The following POC1A variants were observed in gnomAD, a reference collection of about 807,000 sequenced individuals.
POC1A encodes POC1 centriolar protein A, also known as POC1 centriolar protein homolog A.
POC1A carries 34 observed loss-of-function variants against 47.8 expected under a neutral mutation model. The ratio of observed to expected loss-of-function variants is 0.71; its 90% CI spans 0.54 to 0.95. The LOEUF is 0.95. Ranked by LOEUF, POC1A falls within the 40% of genes least tolerant of loss-of-function variation. The pLI, the probability that POC1A is intolerant of heterozygous loss-of-function variation, is 0.00. For synonymous variants in POC1A, 177 were observed against 207.6 expected (o/e 0.85, Z 1.27); for missense variants, 466 against 528.3 (o/e 0.88, Z 1.16).
chr3:52,133,358 T>C (rs1704308543), intron 7 of POC1A, among the ~76,000 whole-genome samples: 1 of 152,190 alleles, frequency 6.6e-6, no homozygotes, highest in African/African-American at 2.4e-5. Flanking sequence ...CTGTTCTTGA[T>C]AAGTTACCCA....
intron 1 of POC1A, among the ~76,000 whole-genome samples, chr3:52,152,616 A>G (rs1698594763): frequency 6.6e-6 from 1 of 152,002 alleles, no homozygotes; most frequent in Non-Finnish European, 1.5e-5. Context: ...AATAAAAAAT[A>G]AAGTAGTTAA....
intron 10 of POC1A, among the ~76,000 whole-genome samples, chr3:52,076,405 T>A (rs2106912317): frequency 6.6e-6 from 1 of 152,282 alleles, no homozygotes; most frequent in Middle Eastern, 3.4e-3. Context: ...ATCAACCACC[T>A]CCACTCCAGA....
intron 3 of POC1A, 112 bp downstream of exon 3, chr3:52,149,704 A>G: frequency 9.8e-7 from 1 of 1,019,790 alleles, no homozygotes; most frequent in Non-Finnish European, 1.5e-6. Flanking sequence ...TCCAAAGCAG[A>G]GTAGAAGTCC....
At chr3:52,139,508 T>C (rs974808080) in intron 6 of POC1A, among the ~76,000 whole-genome samples, 1 of 152,204 alleles carries the variant, frequency 6.6e-6, no homozygotes, top group African/African-American at 2.4e-5. Context: ...TGCCCTTCCC[T>C]TTCCCTGACC....
At chr3:52,123,564 C>T (rs1035427595) in intron 8 of POC1A, among the ~76,000 whole-genome samples, 1 of 152,222 alleles carries the variant, frequency 6.6e-6, no homozygotes, top group Non-Finnish European at 1.5e-5. Flanking sequence ...GTTTCCTCTC[C>T]CAGATGGATG....
intron 10 of POC1A, among the ~76,000 whole-genome samples, chr3:52,096,242 T>C (rs1305626372): frequency 1.3e-5 from 2 of 152,254 alleles, no homozygotes; most frequent in African/African-American, 4.8e-5. Context: ...GCCCCTGCAG[T>C]GCCCATCCAG....
intron 1 of POC1A, among the ~76,000 whole-genome samples, chr3:52,153,559 AAG>A (rs1247858480): frequency 3.3e-5 from 5 of 152,346 alleles, no homozygotes; most frequent in African/African-American, 7.2e-5. Context: ...GAACATGCGT[AAG>A]AGAGTGTCCG....
intron 7 of POC1A, among the ~76,000 whole-genome samples, chr3:52,130,677 C>A (rs551172300): frequency 2.0e-5 from 3 of 152,210 alleles, no homozygotes; most frequent in African/African-American, 7.2e-5. Context: ...AAACAGTCCT[C>A]CAAAATGCCT....
intron 9 of POC1A, among the ~76,000 whole-genome samples, chr3:52,112,982 A>G (rs1703435496): frequency 6.6e-6 from 1 of 152,200 alleles, no homozygotes; most frequent in Non-Finnish European, 1.5e-5. Flanking sequence ...GATACTCTGG[A>G]TATGAGGCCC....
chr3:52,108,485 C>T (rs1316857940), intron 9 of POC1A, among the ~76,000 whole-genome samples: 4 of 152,324 alleles, frequency 2.6e-5, no homozygotes, highest in South Asian at 2.1e-4. Flanking sequence ...TTTTTAAAAC[C>T]TCGGAACAAA....
rs755022192 is a variant in POC1A at position 52,149,310 on chromosome 3, C to T, written c.355G>A (p.Val119Met). 5.0e-6 allele frequency: 8 copies of T among 1,614,056 alleles called. No homozygotes were observed. Among genetic ancestry groups the T allele is most frequent in the Admixed American group, 3.3e-5 (2 of 60,006 alleles). ...ACTGTCTTGTCGTCAGAGGCTGTCACGAAGGACTGGCCATCACTGCAGAAG... is the reference window on the plus strand; with the variant it reads ...ACTGTCTTGTCGTCAGAGGCTGTCATGAAGGACTGGCCATCACTGCAGAAG... ...VHFCSDGQSF[V>M]TASDDKTVKV... is the part of the protein sequence containing the mutation. The change falls in exon 4 of 11, where the codon GTG becomes ATG. Residue 119 changes from valine (V) to methionine (M), a missense_variant. Physicochemically the swap from Val to Met is conservative, Grantham distance 21. Coordinates refer to ENST00000296484, the MANE Select transcript of POC1A (RefSeq NM_015426.5).
At chr3:52,118,070 G>A (rs976083763) in intron 9 of POC1A, among the ~76,000 whole-genome samples, 10 of 152,124 alleles carry the variant, frequency 6.6e-5, no homozygotes, top group Non-Finnish European at 1.5e-4. Context: ...ACACGAGCAC[G>A]GGCACCCAAT....
intron 6 of POC1A, among the ~76,000 whole-genome samples, chr3:52,143,851 C>G (rs2107182412): frequency 6.6e-6 from 1 of 152,322 alleles, no homozygotes; most frequent in South Asian, 2.1e-4. Flanking sequence ...CACTGCCAAT[C>G]AGGCCACATC....
chr3:52,122,518 T>C (rs1194459665), intron 8 of POC1A, 41 bp from the exon 9 acceptor site: 1 of 1,249,880 alleles, frequency 8.0e-7, no homozygotes, highest in Non-Finnish European at 1.2e-6. Context: ...GAGAAGAAAA[T>C]CCCCTTGCCA....
chr3:52,105,358 A>G (rs1227030730), intron 9 of POC1A, among the ~76,000 whole-genome samples: 1 of 152,260 alleles, frequency 6.6e-6, no homozygotes, highest in East Asian at 1.9e-4. Flanking sequence ...ACTGTGGATG[A>G]GGAGACTCAC....
intron 9 of POC1A, among the ~76,000 whole-genome samples, chr3:52,108,711 G>T (rs1396005234): frequency 1.3e-5 from 2 of 152,188 alleles, no homozygotes; most frequent in African/African-American, 2.4e-5. Context: ...CACCAGAGCA[G>T]ATCAGCCAGA....
At chr3:52,149,167 C>T in intron 4 of POC1A, 43 bp downstream of exon 4, 1 of 1,590,404 alleles carries the variant, frequency 6.3e-7, no homozygotes, top group Non-Finnish European at 8.6e-7. Context: ...AGCCCCCAAC[C>T]CCCAGGGTTC....
intron 10 of POC1A, among the ~76,000 whole-genome samples, chr3:52,076,703 C>G (rs1702125455): frequency 6.6e-6 from 1 of 152,276 alleles, no homozygotes; most frequent in Non-Finnish European, 1.5e-5. Context: ...AACTCAGCAG[C>G]CCAGCAGTTG....
At chr3:52,106,600 G>C (rs1233765086) in intron 9 of POC1A, among the ~76,000 whole-genome samples, 1 of 152,212 alleles carries the variant, frequency 6.6e-6, no homozygotes, top group African/African-American at 2.4e-5. Context: ...ACCAACCCCT[G>C]GATTCCAGGC....
Sources: gnomAD v4.1 joint callset for allele counts (sites outside exome capture counted in the v4.1 genomes callset) on GRCh38, gnomAD v4.1.1 for gene constraint, MANE v1.5 for transcripts, NCBI Gene and HGNC (gene_info 2026-07-23, HGNC 2026-07-21) for gene names.